LTAP1: variants seen among roughly 807,000 people sequenced by gnomAD.
LTAP1 encodes HCV NS5A-transactivated protein 4.
At chr1:154,220,526 G>T in the LTAP1 span, 1 of 1,112,718 alleles carries the variant, frequency 9.0e-7, no homozygotes, top group Non-Finnish European at 1.4e-6. Context: ...ATTTCCTTAC[G>T]GGGGAAGACC....
At chr1:154,214,931 G>A in the LTAP1 span, among the ~76,000 whole-genome samples, 2 of 149,034 alleles carry the variant, frequency 1.3e-5, no homozygotes, top group Non-Finnish European at 3.0e-5. Context: ...TGCAACCTCC[G>A]CCTCCCAGGT....
chr1:154,215,197 G>C, the LTAP1 span, among the ~76,000 whole-genome samples: 1 of 152,096 alleles, frequency 6.6e-6, no homozygotes, highest in South Asian at 2.1e-4. Flanking sequence ...CACCTAGCTA[G>C]AGGCTACTTT....
the LTAP1 span, chr1:154,220,182 G>T: frequency 1.1e-6 from 1 of 948,612 alleles, no homozygotes; most frequent in South Asian, 1.4e-5. Context: ...GGGTCGGCCC[G>T]ACTAAGTGAC....
chr1:154,215,950 G>A, the LTAP1 span, among the ~76,000 whole-genome samples: 1 of 151,212 alleles, frequency 6.6e-6, no homozygotes, highest in African/African-American at 2.4e-5. Flanking sequence ...CCATTCTCCT[G>A]CCTCAGCCTC....
the LTAP1 span, chr1:154,220,511 C>G: frequency 2.4e-5 from 31 of 1,303,538 alleles, no homozygotes; most frequent in South Asian, 1.2e-4. Context: ...TGGAGCTCCC[C>G]GGCCATTTCC....
At chr1:154,219,787 C>T in the LTAP1 span, 3 of 1,335,756 alleles carry the variant, frequency 2.2e-6, no homozygotes, top group Non-Finnish European at 3.1e-6. Flanking sequence ...TCATTCTTGA[C>T]CCTAAAAGAT....
the LTAP1 span, chr1:154,206,875 G>T: frequency 6.5e-6 from 1 of 154,770 alleles, no homozygotes; most frequent in African/African-American, 2.4e-5. Context: ...ATTAATGAGA[G>T]TGTGGAATTA....
At chr1:154,213,762 A>G in the LTAP1 span, 3 of 655,258 alleles carry the variant, frequency 4.6e-6, no homozygotes. Context: ...AGTACTTTCA[A>G]AACTCTAGAA....
the LTAP1 span, among the ~76,000 whole-genome samples, chr1:154,217,542 G>C: frequency 1.3e-5 from 2 of 151,408 alleles, no homozygotes; most frequent in Middle Eastern, 3.2e-3. Context: ...TGGTTTTTTT[G>C]TTTTTGGTGA....
the LTAP1 span, chr1:154,207,009 CATCA>C: frequency 6.3e-6 from 1 of 158,530 alleles, no homozygotes; most frequent in African/African-American, 2.4e-5. Flanking sequence ...CTGCTTTTTC[CATCA>C]ATCAACTCTA....
the LTAP1 span, chr1:154,220,147 G>T: frequency 2.6e-6 from 2 of 754,736 alleles, no homozygotes; most frequent in South Asian, 3.4e-5. Context: ...TAGCGTTAAA[G>T]GGAGGGTTCT....
chr1:154,219,149 A>G, the LTAP1 span, among the ~76,000 whole-genome samples: 2 of 152,232 alleles, frequency 1.3e-5, no homozygotes, highest in Admixed American at 6.5e-5. Context: ...TGGGATAGCA[A>G]TAATTCTGAT....
chr1:154,207,358 G>C, the LTAP1 span: 1 of 1,187,028 alleles, frequency 8.4e-7, no homozygotes. Context: ...GTCTGGGCCT[G>C]CTGGGCCAGA....
chr1:154,213,768 T>C, the LTAP1 span: 2 of 684,534 alleles, frequency 2.9e-6, no homozygotes, highest in East Asian at 2.9e-5. Flanking sequence ...TTCAAAACTC[T>C]AGAATTTCCT....
the LTAP1 span, among the ~76,000 whole-genome samples, chr1:154,215,563 C>CA: frequency 0.036 from 4,010 of 111,356 alleles, 168 homozygotes; most frequent in African/African-American, 0.11. Flanking sequence ...GAGACGTCTC[C>CA]AAAAAAAAAA....
the LTAP1 span, among the ~76,000 whole-genome samples, chr1:154,213,676 C>T: frequency 6.6e-6 from 1 of 152,190 alleles, no homozygotes; most frequent in Non-Finnish European, 1.5e-5. Flanking sequence ...AAGAGAAGAA[C>T]TTTAAAAAAC....
At chr1:154,217,911 A>G in the LTAP1 span, among the ~76,000 whole-genome samples, 2 of 151,978 alleles carry the variant, frequency 1.3e-5, no homozygotes, top group African/African-American at 4.8e-5. Context: ...CATTTTTTAC[A>G]CTATTCCAGA....
At chr1:154,213,602 C>T in the LTAP1 span, among the ~76,000 whole-genome samples, 9 of 152,190 alleles carry the variant, frequency 5.9e-5, no homozygotes, top group Non-Finnish European at 8.8e-5. Context: ...AAAGCAGGTG[C>T]CACCTGTCCT....
the LTAP1 span, chr1:154,220,168 G>C: frequency 1.2e-6 from 1 of 846,342 alleles, no homozygotes; most frequent in South Asian, 1.5e-5. Flanking sequence ...AGACTAACGA[G>C]GGCGGGTCGG....
Sources: allele counts gnomAD v4.1 joint callset (sites outside exome capture counted in the v4.1 genomes callset), GRCh38; gene constraint gnomAD v4.1.1; transcripts MANE v1.5; gene names NCBI Gene and HGNC (gene_info 2026-07-23, HGNC 2026-07-21).